Variants in DGKB observed in about 807,000 individuals in gnomAD.
The protein encoded by DGKB is 90 kDa diacylglycerol kinase.
A neutral mutation model predicts 114.3 loss-of-function variants in DGKB; 67 were observed. That is an observed-to-expected ratio of 0.59 (90% CI 0.48 to 0.72). The LOEUF is 0.72. DGKB is among the 30% of genes least tolerant of loss of function. The pLI, the probability that DGKB is intolerant of heterozygous loss-of-function variation, is 0.00. For synonymous variants in DGKB, 398 were observed against 323.1 expected, an observed-to-expected ratio of 1.23 and a Z score of -2.49; for missense variants, 907 against 975.2, an observed-to-expected ratio of 0.93 and a Z score of 0.93.
intron 21 of DGKB, among the ~76,000 whole-genome samples, chr7:14,425,941 T>G (rs141868252): frequency 3.3e-5 from 5 of 152,284 alleles, no homozygotes; most frequent in African/African-American, 1.2e-4. Context: ...AATATTTTCA[T>G]TCAATTTTTG....
intron 8 of DGKB, among the ~76,000 whole-genome samples, 156 bp from the exon 9 acceptor site, chr7:14,694,350 G>A (rs1055272741): frequency 3.3e-5 from 5 of 152,124 alleles, no homozygotes; most frequent in African/African-American, 1.2e-4. Context: ...GATGAAGAGC[G>A]ACTTTGTTAG....
rs996037718 is a variant in DGKB at position 14,437,295 on chromosome 7, G to A, written c.1835+40866C>T. Reference sequence around the variant, plus strand: ...TTTAGTAACCAAGTCCATAAGAATAGAGAACAACTTTTTCTTTATTCAGTA... The same window carrying A: ...TTTAGTAACCAAGTCCATAAGAATAAAGAACAACTTTTTCTTTATTCAGTA... On this transcript the variant is annotated intron_variant, in intron 21 of 25. Coordinates refer to ENST00000402815, the MANE Select transcript of DGKB (RefSeq NM_001350709.2). Among the ~76,000 whole-genome samples, 5 of 151,974 alleles carry A rather than the reference G, an allele frequency of 3.3e-5. No homozygotes were observed. In the East Asian group the frequency reaches 9.6e-4, roughly 29 times the overall value.
intron 23 of DGKB, among the ~76,000 whole-genome samples, chr7:14,178,631 A>T (rs1170073329): frequency 2.6e-5 from 4 of 152,200 alleles, no homozygotes; most frequent in Admixed American, 2.6e-4. Flanking sequence ...TTCTCATTTT[A>T]TACATTAGAA....
At chr7:14,438,944 C>A (rs1829667079) in intron 21 of DGKB, among the ~76,000 whole-genome samples, 2 of 150,672 alleles carry the variant, frequency 1.3e-5, no homozygotes, top group Non-Finnish European at 1.5e-5. Context: ...TTTAACATTT[C>A]AAATCCTATA....
chr7:14,817,637 T>C (rs1214979553), intron 2 of DGKB, among the ~76,000 whole-genome samples: 1 of 152,208 alleles, frequency 6.6e-6, no homozygotes, highest in Non-Finnish European at 1.5e-5. Context: ...TTTTTAGAAT[T>C]TGAATAAGAG....
chr7:14,503,068 G>T (rs1338514010), intron 20 of DGKB, among the ~76,000 whole-genome samples: 1 of 152,030 alleles, frequency 6.6e-6, no homozygotes, highest in Non-Finnish European at 1.5e-5. Context: ...TGTGATTTAT[G>T]CCTCTCCAGA....
At chr7:14,181,927 G>T (rs1392797556) in intron 23 of DGKB, among the ~76,000 whole-genome samples, 1 of 152,032 alleles carries the variant, frequency 6.6e-6, no homozygotes, top group Non-Finnish European at 1.5e-5. Flanking sequence ...TATTTCAGAG[G>T]GAAGAAACTT....
chr7:14,699,597 A>G (rs555875928), intron 7 of DGKB, among the ~76,000 whole-genome samples: 1 of 152,098 alleles, frequency 6.6e-6, no homozygotes, highest in Non-Finnish European at 1.5e-5. Flanking sequence ...ATAGTGGACA[A>G]TTTTCAAATT....
intron 1 of DGKB, among the ~76,000 whole-genome samples, chr7:14,927,740 G>A (rs941750945): frequency 1.3e-5 from 2 of 151,874 alleles, no homozygotes; most frequent in African/African-American, 4.8e-5. Context: ...ATCAGAGAAT[G>A]AAAAACAAAC....
chr7:14,260,530 G>T (rs923122739), intron 23 of DGKB, among the ~76,000 whole-genome samples: 4 of 152,114 alleles, frequency 2.6e-5, no homozygotes, highest in Non-Finnish European at 5.9e-5. Context: ...TTTATAAGAA[G>T]TCTTGGGCAT....
intron 4 of DGKB, among the ~76,000 whole-genome samples, chr7:14,747,767 ATC>A (rs1276727763): frequency 4.0e-5 from 5 of 125,292 alleles, no homozygotes; most frequent in African/African-American, 8.5e-5. Flanking sequence ...GCTCAAACAC[ATC>A]CACGCGCACG....
chr7:14,574,595 G>T (rs1432077360), intron 19 of DGKB, among the ~76,000 whole-genome samples: 1 of 151,844 alleles, frequency 6.6e-6, no homozygotes, highest in East Asian at 1.9e-4. Context: ...TCTTTTTGTG[G>T]TGCAAATTCT....
intron 23 of DGKB, among the ~76,000 whole-genome samples, chr7:14,306,438 C>CTT (rs773847279): frequency 1.3e-5 from 2 of 151,908 alleles, no homozygotes; most frequent in Non-Finnish European, 2.9e-5. Flanking sequence ...AATGCTCACT[C>CTT]TTTTTTTCTG....
At chr7:14,505,334 A>C (rs1786859291) in intron 20 of DGKB, among the ~76,000 whole-genome samples, 1 of 152,002 alleles carries the variant, frequency 6.6e-6, no homozygotes, top group East Asian at 1.9e-4. Context: ...ACACATGCTA[A>C]TCCCAGCTAC....
intron 5 of DGKB, 80 bp from the exon 6 acceptor site, chr7:14,718,765 C>A: frequency 9.6e-7 from 1 of 1,039,262 alleles, no homozygotes; most frequent in South Asian, 1.6e-5. Flanking sequence ...AAATAGAGAA[C>A]ACACAGGCTA....
chr7:14,876,588 T>C (rs991399444), intron 1 of DGKB, among the ~76,000 whole-genome samples: 1 of 152,236 alleles, frequency 6.6e-6, no homozygotes, highest in Admixed American at 6.5e-5. Context: ...TTTTGTTGCT[T>C]ATTTACTATG....
At chr7:14,318,600 C>A (rs986654923) in intron 23 of DGKB, among the ~76,000 whole-genome samples, 7 of 152,096 alleles carry the variant, frequency 4.6e-5, no homozygotes, top group Non-Finnish European at 1.0e-4. Context: ...CCATCTCACA[C>A]CAGTTAGAAT....
intron 25 of DGKB, among the ~76,000 whole-genome samples, chr7:14,158,151 G>A (rs1783312996): frequency 6.6e-6 from 1 of 152,134 alleles, no homozygotes. Flanking sequence ...TACCAAATAA[G>A]GCTATGCATG....
chr7:14,309,041 C>A (rs868578904), intron 23 of DGKB, among the ~76,000 whole-genome samples: 1 of 151,934 alleles, frequency 6.6e-6, no homozygotes, highest in Non-Finnish European at 1.5e-5. Flanking sequence ...CATGGTAAGG[C>A]CTCATCTTAC....
Sources: allele counts gnomAD v4.1 joint callset (sites outside exome capture counted in the v4.1 genomes callset), GRCh38; gene constraint gnomAD v4.1.1; transcripts MANE v1.5; gene names NCBI Gene and HGNC (gene_info 2026-07-23, HGNC 2026-07-21).